The following DIAPH3 variants were observed in gnomAD, a reference collection of about 807,000 sequenced individuals.
The protein encoded by DIAPH3 is protein diaphanous homolog 3.
In DIAPH3, 117 loss-of-function variants were observed where a neutral mutation model predicts 144.3. That is an observed-to-expected ratio of 0.81 (90% CI 0.70 to 0.95). The LOEUF is 0.95. DIAPH3 is among the 40% of genes least tolerant of loss of function. The probability of loss-of-function intolerance (pLI) is 0.00; values close to 1 mark genes in which losing one functional copy is unlikely to be tolerated. For synonymous variants in DIAPH3, 519 were observed against 488.9 expected (o/e 1.06, Z -0.81); for missense variants, 1,421 against 1,412.7 (o/e 1.01, Z -0.09).
At chr13:59,948,093 T>C (rs576047848) in intron 17 of DIAPH3, among the ~76,000 whole-genome samples, 1 of 152,318 alleles carries the variant, frequency 6.6e-6, no homozygotes, top group South Asian at 2.1e-4. Flanking sequence ...ACTCTCTTTT[T>C]CAGATGAGAA....
chr13:60,099,262 G>A (rs991312326), intron 3 of DIAPH3, among the ~76,000 whole-genome samples: 1 of 152,170 alleles, frequency 6.6e-6, no homozygotes, highest in Non-Finnish European at 1.5e-5. Flanking sequence ...CCTACTGCAT[G>A]TCACAGCTCA....
At chr13:59,999,851 T>G (rs1379042688) in intron 9 of DIAPH3, among the ~76,000 whole-genome samples, 1 of 152,152 alleles carries the variant, frequency 6.6e-6, no homozygotes, top group African/African-American at 2.4e-5. Flanking sequence ...TCTAGTCCCT[T>G]ACACATCAAA....
At chr13:59,780,417 A>G (rs2139323895) in intron 25 of DIAPH3, among the ~76,000 whole-genome samples, 1 of 152,360 alleles carries the variant, frequency 6.6e-6, no homozygotes, top group South Asian at 2.1e-4. Context: ...GTATTCTAAC[A>G]TAGACCAGAG....
At chr13:60,145,896 T>C (rs1951489276) in intron 1 of DIAPH3, among the ~76,000 whole-genome samples, 1 of 152,118 alleles carries the variant, frequency 6.6e-6, no homozygotes, top group South Asian at 2.1e-4. Flanking sequence ...AAGCCAAAAT[T>C]ATCCACATTC....
chr13:60,008,758 T>C (rs1020355652), intron 8 of DIAPH3, 109 bp from the exon 9 acceptor site: 6 of 751,784 alleles, frequency 8.0e-6, no homozygotes, highest in Non-Finnish European at 1.2e-5. Context: ...CAATATATTT[T>C]AGAAGTAGAT....
intron 21 of DIAPH3, among the ~76,000 whole-genome samples, chr13:59,868,861 G>A (rs1008138370): frequency 1.3e-5 from 2 of 152,074 alleles, no homozygotes; most frequent in Non-Finnish European, 2.9e-5. Flanking sequence ...TTAGCAATAC[G>A]AATTTAATGT....
intron 27 of DIAPH3, among the ~76,000 whole-genome samples, chr13:59,729,643 CA>C (rs527884436): frequency 1.8e-4 from 27 of 149,486 alleles, no homozygotes; most frequent in African/African-American, 3.7e-4. Context: ...AACCCACATA[CA>C]AAAAAAAATG....
At chr13:59,705,570 G>T (rs1424706174) in intron 27 of DIAPH3, among the ~76,000 whole-genome samples, 1 of 152,196 alleles carries the variant, frequency 6.6e-6, no homozygotes, top group Non-Finnish European at 1.5e-5. Flanking sequence ...GACTTCTTGT[G>T]TGTTTTGTAA....
intron 27 of DIAPH3, among the ~76,000 whole-genome samples, chr13:59,747,183 T>C (rs567062890): frequency 2.6e-5 from 4 of 152,040 alleles, no homozygotes; most frequent in Non-Finnish European, 4.4e-5. Context: ...AATAACTGAT[T>C]GCCAAGTACC....
intron 4 of DIAPH3, among the ~76,000 whole-genome samples, chr13:60,064,989 G>C (rs886554995): frequency 2.0e-5 from 3 of 152,110 alleles, no homozygotes; most frequent in Non-Finnish European, 2.9e-5. Context: ...CTGGTCAATG[G>C]AGCAGTCACA....
At chr13:59,912,519 A>G (rs2047044080) in intron 19 of DIAPH3, among the ~76,000 whole-genome samples, 1 of 152,204 alleles carries the variant, frequency 6.6e-6, no homozygotes. Flanking sequence ...CTACTTGAAT[A>G]AAGATTAAAG....
chr13:59,927,306 C>A (rs900483078), intron 17 of DIAPH3, among the ~76,000 whole-genome samples: 1 of 152,144 alleles, frequency 6.6e-6, no homozygotes, highest in Non-Finnish European at 1.5e-5. Flanking sequence ...AGAGAATTTA[C>A]ACTACTTATA....
At chr13:60,084,082 C>T (rs1487320291) in intron 4 of DIAPH3, among the ~76,000 whole-genome samples, 3 of 151,856 alleles carry the variant, frequency 2.0e-5, no homozygotes, top group Non-Finnish European at 4.4e-5. Flanking sequence ...CTATAGTCCG[C>T]AGAGGCACTT....
chr13:59,768,874 T>C (rs1278795161), intron 27 of DIAPH3, among the ~76,000 whole-genome samples: 1 of 152,182 alleles, frequency 6.6e-6, no homozygotes, highest in Non-Finnish European at 1.5e-5. Flanking sequence ...AGATTTTGTT[T>C]AGGTTATGGA....
At chr13:60,114,673 AAACACACACACAC>A (rs2058658222) in intron 2 of DIAPH3, among the ~76,000 whole-genome samples, 2 of 150,044 alleles carry the variant, frequency 1.3e-5, no homozygotes, top group Non-Finnish European at 3.0e-5. Flanking sequence ...ACACACACAC[AAACACACACACAC>A]ACCTACCTAC....
At chr13:60,076,098 A>G (rs1475963186) in intron 4 of DIAPH3, among the ~76,000 whole-genome samples, 3 of 152,248 alleles carry the variant, frequency 2.0e-5, no homozygotes, top group African/African-American at 7.2e-5. Context: ...AGCTTGTTCC[A>G]ACCATAAGTC....
At chr13:60,115,611 G>A (rs2058682629) in intron 2 of DIAPH3, among the ~76,000 whole-genome samples, 4 of 152,044 alleles carry the variant, frequency 2.6e-5, no homozygotes, top group Non-Finnish European at 5.9e-5. Context: ...TCTCTTGACT[G>A]CAAACGGCAC....
In DIAPH3 at chr13:59,999,167, T is replaced by C. The variant is rs543293825; in HGVS notation, c.1015-6584A>G. Reference sequence around the variant, plus strand: ...AGAAAGGCATTTAACCTCTAATTTGTTTTAATGTGAGTATTCAATGGCATA... The same window carrying C: ...AGAAAGGCATTTAACCTCTAATTTGCTTTAATGTGAGTATTCAATGGCATA... On this transcript the variant is annotated intron_variant, in intron 9 of 27. Coordinates refer to ENST00000400324, the MANE Select transcript of DIAPH3 (RefSeq NM_001042517.2). Among the ~76,000 whole-genome samples the C allele has an allele frequency of 3.9e-5, 6 of 152,218 alleles. No homozygotes were observed. In the East Asian group the frequency reaches 1.2e-3, roughly 29 times the overall value.
At chr13:59,824,612 G>T (rs1334075005) in intron 24 of DIAPH3, among the ~76,000 whole-genome samples, 1 of 152,094 alleles carries the variant, frequency 6.6e-6, no homozygotes, top group Non-Finnish European at 1.5e-5. Flanking sequence ...TAAGATGGGA[G>T]ATATATATAG....
Sources: gnomAD v4.1 joint callset for allele counts (sites outside exome capture counted in the v4.1 genomes callset) on GRCh38, gnomAD v4.1.1 for gene constraint, MANE v1.5 for transcripts, NCBI Gene and HGNC (gene_info 2026-07-23, HGNC 2026-07-21) for gene names.